Variants in NCKAP5 observed in about 807,000 individuals in gnomAD.
NCKAP5 encodes NCK associated protein 5.
NCKAP5 carries 92 observed loss-of-function variants against 167.0 expected under a neutral mutation model. The ratio of observed to expected loss-of-function variants is 0.55; its 90% CI spans 0.47 to 0.66. The LOEUF (loss-of-function observed/expected upper bound fraction) is 0.66. Among genes scored for constraint, NCKAP5 ranks in the 30% least tolerant of loss-of-function variants. NCKAP5 has a pLI of 0.00. For synonymous variants in NCKAP5, 891 were observed against 877.4 expected (o/e 1.02, Z -0.27); for missense variants, 2,378 against 2,315.0 (o/e 1.03, Z -0.56).
chr2:133,117,611 T>G (rs2082123475), intron 6 of NCKAP5: 1 of 152,222 alleles, frequency 6.6e-6, no homozygotes. Context: ...TCATGTGCTT[T>G]GGTGATTGTT....
At chr2:133,281,010 T>C (rs2089915602) in intron 4 of NCKAP5, among the ~76,000 whole-genome samples, 1 of 152,252 alleles carries the variant, frequency 6.6e-6, no homozygotes, top group African/African-American at 2.4e-5. Flanking sequence ...TGAGTTATAC[T>C]GACACAACTA....
intron 4 of NCKAP5, among the ~76,000 whole-genome samples, chr2:133,263,154 T>G (rs1213532181): frequency 1.3e-5 from 2 of 152,212 alleles, no homozygotes; most frequent in Non-Finnish European, 2.9e-5. Context: ...TATGTGCTTT[T>G]CATTGACATA....
chr2:133,364,749 G>T (rs1685342889), intron 3 of NCKAP5, among the ~76,000 whole-genome samples: 1 of 150,638 alleles, frequency 6.6e-6, no homozygotes, highest in Non-Finnish European at 1.5e-5. Context: ...AGGTCATTGT[G>T]TCTTTTTTTT....
At chr2:132,806,878 T>C (rs1040475610) in intron 11 of NCKAP5, among the ~76,000 whole-genome samples, 2 of 152,232 alleles carry the variant, frequency 1.3e-5, no homozygotes, top group Non-Finnish European at 2.9e-5. Context: ...TCCAATGTTA[T>C]CTTCTAGAAA....
chr2:133,145,209 GA>G (rs148293477), intron 5 of NCKAP5, among the ~76,000 whole-genome samples: 11 of 150,978 alleles, frequency 7.3e-5, no homozygotes, highest in East Asian at 5.8e-4. Context: ...GGTTGTAGCA[GA>G]AAAAAAAATC....
At chr2:133,181,603 CAAAAAAAAAAA>C (rs34264277) in intron 5 of NCKAP5, among the ~76,000 whole-genome samples, 5 of 71,154 alleles carry the variant, frequency 7.0e-5, no homozygotes, top group Non-Finnish European at 1.3e-4. Context: ...CCCATCTCTA[CAAAAAAAAAAA>C]AAAAAAAAAA....
intron 3 of NCKAP5, among the ~76,000 whole-genome samples, chr2:133,480,151 T>C (rs1234255230): frequency 6.6e-6 from 1 of 152,056 alleles, no homozygotes; most frequent in Non-Finnish European, 1.5e-5. Context: ...ATACTGGTGT[T>C]GAACTCCTGA....
At chr2:132,967,280 A>G (rs2149219896) in intron 7 of NCKAP5, among the ~76,000 whole-genome samples, 1 of 152,230 alleles carries the variant, frequency 6.6e-6, no homozygotes, top group African/African-American at 2.4e-5. Context: ...ATTAAAGACA[A>G]TATGGATTAT....
intron 6 of NCKAP5, among the ~76,000 whole-genome samples, chr2:133,084,537 T>C (rs999822339): frequency 6.6e-6 from 1 of 152,144 alleles, no homozygotes; most frequent in African/African-American, 2.4e-5. Flanking sequence ...ATAAATGGGA[T>C]ACAGTGAGGA....
At chr2:133,665,338 C>G in the NCKAP5 span, among the ~76,000 whole-genome samples, 2 of 152,182 alleles carry the variant, frequency 1.3e-5, no homozygotes, top group Non-Finnish European at 2.9e-5. Context: ...CACTTGAACA[C>G]TTTACAGCCA....
the NCKAP5 span, among the ~76,000 whole-genome samples, chr2:133,605,411 C>T: frequency 6.6e-6 from 1 of 152,166 alleles, no homozygotes. Flanking sequence ...ACAACCGAGG[C>T]TGTGGTCCCC....
chr2:133,512,635 A>G (rs11682672), intron 3 of NCKAP5, among the ~76,000 whole-genome samples: 88,812 of 152,024 alleles, frequency 0.58, 27,572 homozygotes, highest in East Asian at 0.92. Flanking sequence ...TCAGAATTAC[A>G]TCTAGTCACT....
At chr2:133,220,180 C>T (rs1322312922) in intron 4 of NCKAP5, among the ~76,000 whole-genome samples, 1 of 152,222 alleles carries the variant, frequency 6.6e-6, no homozygotes, top group Non-Finnish European at 1.5e-5. Context: ...AACTGTGCTT[C>T]TGCAATGCAT....
chr2:133,063,999 G>C (rs1004253914), intron 6 of NCKAP5, among the ~76,000 whole-genome samples: 1 of 152,112 alleles, frequency 6.6e-6, no homozygotes, highest in African/African-American at 2.4e-5. Flanking sequence ...CCAAAACATC[G>C]TTTCTTAGCA....
At chr2:133,190,500 C>G (rs533588439) in intron 5 of NCKAP5, among the ~76,000 whole-genome samples, 2 of 152,292 alleles carry the variant, frequency 1.3e-5, no homozygotes, top group South Asian at 4.1e-4. Flanking sequence ...GGAGGCATCA[C>G]TCTACCCAAC....
the NCKAP5 span, among the ~76,000 whole-genome samples, chr2:133,655,461 T>C: frequency 6.6e-6 from 1 of 152,286 alleles, no homozygotes; most frequent in African/African-American, 2.4e-5. Context: ...GAGACTGAAC[T>C]TTCCACCCTA....
intron 6 of NCKAP5, among the ~76,000 whole-genome samples, chr2:133,067,153 C>G (rs1573927599): frequency 6.6e-6 from 1 of 152,156 alleles, no homozygotes; most frequent in East Asian, 1.9e-4. Flanking sequence ...GCATGAGCCA[C>G]CGTGCCCGGC....
chr2:133,549,809 C>G (rs1361333561), intron 2 of NCKAP5, among the ~76,000 whole-genome samples: 1 of 150,474 alleles, frequency 6.6e-6, no homozygotes, highest in Non-Finnish European at 1.5e-5. Flanking sequence ...AATCCAGGAG[C>G]TGGTTTTTTG....
chr2:132,752,479 A>ATGATGAT (rs1680198604), intron 16 of NCKAP5, among the ~76,000 whole-genome samples: 1 of 152,210 alleles, frequency 6.6e-6, no homozygotes, highest in Non-Finnish European at 1.5e-5. Flanking sequence ...TACATAAAGG[A>ATGATGAT]TGATGATTCA....
Sources: allele counts gnomAD v4.1 joint callset (sites outside exome capture counted in the v4.1 genomes callset), GRCh38; gene constraint gnomAD v4.1.1; transcripts MANE v1.5; gene names NCBI Gene and HGNC (gene_info 2026-07-23, HGNC 2026-07-21).